CNBD1: variants seen among roughly 807,000 people sequenced by gnomAD.
CNBD1 encodes the protein cyclic nucleotide binding domain containing 1, also known as cyclic nucleotide-binding domain-containing protein 1.
Under a neutral mutation model 54.4 loss-of-function variants are expected in CNBD1, and 71 were observed. That is an observed-to-expected ratio of 1.30 (90% CI 1.08 to 1.59). CNBD1 has a LOEUF of 1.59. Ranked by LOEUF, CNBD1 falls within the 40% of genes most tolerant of loss-of-function variation. CNBD1 has a pLI of 0.00. For missense variants in CNBD1, 659 were observed against 518.0 expected (o/e 1.27, Z -2.64); for synonymous variants, 182 against 170.7 (o/e 1.07, Z -0.51).
At chr8:87,354,472 T>C (rs1195704680) in intron 10 of CNBD1, among the ~76,000 whole-genome samples, 1 of 151,990 alleles carries the variant, frequency 6.6e-6, no homozygotes. Flanking sequence ...TTGTTACATA[T>C]GTATACATGT....
intron 4 of CNBD1, among the ~76,000 whole-genome samples, chr8:87,202,359 T>C (rs558939989): frequency 1.1e-4 from 16 of 152,090 alleles, no homozygotes; most frequent in Admixed American, 6.5e-4. Context: ...TAACCAGTAA[T>C]AAATTATAAT....
rs115418034 is a variant in CNBD1, at chr8:87,105,149, A to G, written c.432-100844A>G. On this transcript the variant is annotated intron_variant, in intron 4 of 10. Transcript: ENST00000518476. ...ATGGGTTTTTTTTAATTTAAAGGCA[A>G]ATACACAGGGTTTTGGCTATATCAA... is the stretch of plus-strand genomic sequence containing the variant. 4.2e-3 allele frequency among the ~76,000 whole-genome samples: 644 copies of G among 152,332 alleles called. 6 individuals carry two copies. Among genetic ancestry groups the G allele is most frequent in the African/African-American group, 0.015 (612 of 41,578 alleles).
intron 6 of CNBD1, among the ~76,000 whole-genome samples, chr8:87,249,788 C>A (rs1387494283): frequency 6.6e-6 from 1 of 152,044 alleles, no homozygotes; most frequent in Admixed American, 6.6e-5. Context: ...TGACAGTATG[C>A]AAGATAACTT....
At chr8:87,349,637 A>C (rs1681191696) in intron 8 of CNBD1, among the ~76,000 whole-genome samples, 1 of 152,182 alleles carries the variant, frequency 6.6e-6, no homozygotes, top group Non-Finnish European at 1.5e-5. Flanking sequence ...GGCCTCCCAA[A>C]GTGCTGGGAT....
chr8:87,189,596 G>C (rs539222483), intron 4 of CNBD1, among the ~76,000 whole-genome samples: 1 of 152,118 alleles, frequency 6.6e-6, no homozygotes, highest in South Asian at 2.1e-4. Flanking sequence ...AATTATAAGA[G>C]GTTTTTTAAG....
At chr8:87,383,328 G>A (rs891949477), downstream of CNBD1, among the ~76,000 whole-genome samples, 7 of 152,072 alleles carry the variant, frequency 4.6e-5, no homozygotes, top group African/African-American at 1.4e-4. Flanking sequence ...TATACCTGGT[G>A]CCATGCCCAT....
intron 4 of CNBD1, among the ~76,000 whole-genome samples, chr8:86,983,651 CT>C (rs778527989): frequency 3.3e-5 from 5 of 152,120 alleles, no homozygotes; most frequent in Non-Finnish European, 5.9e-5. Context: ...AAAGACAACT[CT>C]TGTTATGTTT....
chr8:86,953,541 T>A (rs907846629), intron 4 of CNBD1, among the ~76,000 whole-genome samples: 2 of 152,168 alleles, frequency 1.3e-5, no homozygotes, highest in African/African-American at 4.8e-5. Context: ...CACTAAAATA[T>A]GGCCTGAAGA....
At chr8:87,139,890 T>C (rs188188342) in intron 4 of CNBD1, among the ~76,000 whole-genome samples, 1 of 152,256 alleles carries the variant, frequency 6.6e-6, no homozygotes, top group Non-Finnish European at 1.5e-5. Context: ...ATGATGAACA[T>C]ATTGACTTGA....
chr8:87,145,046 AT>A (rs1812454435), intron 4 of CNBD1, among the ~76,000 whole-genome samples: 1 of 152,190 alleles, frequency 6.6e-6, no homozygotes, highest in South Asian at 2.1e-4. Context: ...CAGAATGACA[AT>A]ATTTGCAAAT....
intron 8 of CNBD1, among the ~76,000 whole-genome samples, chr8:87,302,315 G>T (rs1809020715): frequency 1.3e-5 from 2 of 152,168 alleles, no homozygotes; most frequent in Non-Finnish European, 2.9e-5. Flanking sequence ...TCATCGCTGG[G>T]ATGCAAGGCT....
At chr8:87,144,143 T>G (rs926487970) in intron 4 of CNBD1, among the ~76,000 whole-genome samples, 1 of 152,220 alleles carries the variant, frequency 6.6e-6, no homozygotes, top group Non-Finnish European at 1.5e-5. Flanking sequence ...GAAGCTGAAT[T>G]TGAAATTCCT....
intron 6 of CNBD1, among the ~76,000 whole-genome samples, chr8:87,271,160 GT>G (rs909798390): frequency 2.0e-5 from 3 of 151,062 alleles, no homozygotes; most frequent in African/African-American, 7.3e-5. Flanking sequence ...CTTCTCTCTT[GT>G]TTTTAAATTA....
At chr8:87,257,443 C>T (rs1808046217) in intron 6 of CNBD1, among the ~76,000 whole-genome samples, 1 of 150,646 alleles carries the variant, frequency 6.6e-6, no homozygotes, top group South Asian at 2.1e-4. Flanking sequence ...ATCAGGTAGC[C>T]AAATGTACCT....
intron 8 of CNBD1, among the ~76,000 whole-genome samples, chr8:87,343,361 G>C (rs747618522): frequency 6.6e-6 from 1 of 152,110 alleles, no homozygotes; most frequent in Non-Finnish European, 1.5e-5. Flanking sequence ...TACATCCTCA[G>C]CTTACAAAAA....
At chr8:87,176,345 C>A (rs1295461700) in intron 4 of CNBD1, among the ~76,000 whole-genome samples, 1 of 152,122 alleles carries the variant, frequency 6.6e-6, no homozygotes, top group Admixed American at 6.5e-5. Context: ...AATAACAAAC[C>A]CAGTAATAGG....
At chr8:86,873,088 G>GTTGTTT (rs1333618413) in intron 1 of CNBD1, among the ~76,000 whole-genome samples, 1 of 149,854 alleles carries the variant, frequency 6.7e-6, no homozygotes, top group Admixed American at 6.7e-5. Flanking sequence ...TGTTGTTGTT[G>GTTGTTT]TTGTTGTTGT....
At chr8:87,402,847 A>G (rs1807589692) in intron 2 of CNBD1, among the ~76,000 whole-genome samples, 1 of 152,088 alleles carries the variant, frequency 6.6e-6, no homozygotes, top group East Asian at 1.9e-4. Flanking sequence ...AAGCCATCTA[A>G]TGGAGACTAT....
At chr8:86,899,801 C>A (rs1430306351) in intron 2 of CNBD1, among the ~76,000 whole-genome samples, 1 of 152,142 alleles carries the variant, frequency 6.6e-6, no homozygotes, top group East Asian at 1.9e-4. Context: ...TTATATCTAT[C>A]TCTTCCTAGG....
Sources: allele counts gnomAD v4.1 joint callset (sites outside exome capture counted in the v4.1 genomes callset), GRCh38; gene constraint gnomAD v4.1.1; transcripts MANE v1.5; gene names NCBI Gene and HGNC (gene_info 2026-07-23, HGNC 2026-07-21).